RHBDL2: variants seen among roughly 807,000 people sequenced by gnomAD.
RHBDL2 encodes rhomboid-related protein 2.
In RHBDL2, 26 loss-of-function variants were observed where a neutral mutation model predicts 31.7. The ratio of observed to expected loss-of-function variants is 0.82; its 90% CI spans 0.60 to 1.14. The LOEUF (loss-of-function observed/expected upper bound fraction) is 1.14, where lower values mean the gene tolerates loss of function less well. Ranked by LOEUF, RHBDL2 falls within the 50% of genes most tolerant of loss-of-function variation. RHBDL2 has a pLI of 0.00. For missense variants in RHBDL2, 336 were observed against 364.4 expected (o/e 0.92, Z 0.63); for synonymous variants, 123 against 127.2 (o/e 0.97, Z 0.22).
intron 3 of RHBDL2, 48 bp from the exon 4 acceptor site, chr1:38,911,482 G>A: frequency 7.9e-7 from 1 of 1,266,654 alleles, no homozygotes; most frequent in Non-Finnish European, 1.2e-6. Context: ...AAACCAAGCA[G>A]TTATTTCCCT....
intron 1 of RHBDL2, among the ~76,000 whole-genome samples, chr1:38,933,266 C>T (rs1350991595): frequency 6.6e-6 from 1 of 152,096 alleles, no homozygotes; most frequent in Non-Finnish European, 1.5e-5. Flanking sequence ...CTAGCCCTCT[C>T]CCTTCCCTAC....
At chr1:38,922,621 C>G in intron 1 of RHBDL2, among the ~76,000 whole-genome samples, 1 of 136,954 alleles carries the variant, frequency 7.3e-6, no homozygotes, top group Non-Finnish European at 1.5e-5. Flanking sequence ...CCTCTCCACC[C>G]TGTTTCCTGA....
chr1:38,932,241 A>G (rs550498613), intron 1 of RHBDL2, among the ~76,000 whole-genome samples: 1 of 152,184 alleles, frequency 6.6e-6, no homozygotes, highest in East Asian at 1.9e-4. Flanking sequence ...TTAAAAAAAA[A>G]AAAAGAAAAA....
chr1:38,928,087 G>C (rs1004900023), intron 1 of RHBDL2, among the ~76,000 whole-genome samples: 1 of 151,016 alleles, frequency 6.6e-6, no homozygotes, highest in Non-Finnish European at 1.5e-5. Flanking sequence ...GCAAGATCCT[G>C]TCTCTGAAAT....
intron 1 of RHBDL2, among the ~76,000 whole-genome samples, chr1:38,927,298 GC>G (rs1643388963): frequency 6.6e-6 from 1 of 151,960 alleles, no homozygotes; most frequent in Non-Finnish European, 1.5e-5. Context: ...GTGGTGGCGG[GC>G]GCCTGTAGTC....
At chr1:38,927,191 G>C (rs1341540729) in intron 1 of RHBDL2, among the ~76,000 whole-genome samples, 1 of 152,088 alleles carries the variant, frequency 6.6e-6, no homozygotes, top group African/African-American at 2.4e-5. Flanking sequence ...ACTTTGGAAG[G>C]CCAAGGCGGG....
At position 38,896,100 on chromosome 1, in the gene RHBDL2, T is replaced by C. The variant is rs774010321; in HGVS notation, c.509-31A>G. On this transcript the variant is annotated intron_variant, in intron 4 of 7. Transcript: ENST00000372990. ...GAAATAAAACACAAAGGATCAGACATGACTATACGGATCAGGAAAGATAAA... is the reference window on the plus strand; with the variant it reads ...GAAATAAAACACAAAGGATCAGACACGACTATACGGATCAGGAAAGATAAA... 2.1e-5 allele frequency: 31 copies of C among 1,459,886 alleles called. No individual in the cohort carries two copies. In the African/African-American group the frequency reaches 4.2e-4, roughly 20 times the overall value. The allele number at this position is 1,459,886 out of a possible 1,614,324, so 90.4% of individuals were successfully genotyped here.
intron 2 of RHBDL2, among the ~76,000 whole-genome samples, chr1:38,915,961 C>T (rs964088530): frequency 6.6e-6 from 1 of 152,214 alleles, no homozygotes; most frequent in African/African-American, 2.4e-5. Context: ...CCCTTTTGCC[C>T]TGCTCTTGGA....
chr1:38,930,296 C>T (rs577196585), intron 1 of RHBDL2, among the ~76,000 whole-genome samples: 5 of 152,236 alleles, frequency 3.3e-5, no homozygotes, highest in Admixed American at 6.5e-5. Flanking sequence ...TGGATCCTCC[C>T]GTCTGCTCTG....
At chr1:38,920,305 T>C (rs916639265) in intron 1 of RHBDL2, among the ~76,000 whole-genome samples, 5 of 150,384 alleles carry the variant, frequency 3.3e-5, no homozygotes, top group African/African-American at 1.2e-4. Context: ...GTAGCTGGGA[T>C]TATGGGCACC....
intron 1 of RHBDL2, among the ~76,000 whole-genome samples, chr1:38,924,391 G>A (rs56155315): frequency 0.055 from 8,437 of 152,140 alleles, 355 homozygotes; most frequent in East Asian, 0.19. Flanking sequence ...TCAGGAGATC[G>A]AGATCATCCT....
chr1:38,908,811 T>C (rs1643102998), intron 4 of RHBDL2, among the ~76,000 whole-genome samples: 1 of 152,224 alleles, frequency 6.6e-6, no homozygotes, highest in Non-Finnish European at 1.5e-5. Flanking sequence ...CAATTATACT[T>C]GTGCCTTATC....
intron 4 of RHBDL2, among the ~76,000 whole-genome samples, chr1:38,906,772 G>C (rs1057053355): frequency 6.6e-6 from 1 of 151,892 alleles, no homozygotes; most frequent in Non-Finnish European, 1.5e-5. Context: ...CCATTTAGGA[G>C]ATATAAATAA....
intron 2 of RHBDL2, among the ~76,000 whole-genome samples, chr1:38,917,431 C>G (rs1271514537): frequency 1.3e-5 from 2 of 152,182 alleles, no homozygotes; most frequent in Non-Finnish European, 2.9e-5. Context: ...ATCTCAGCAT[C>G]TGCTCCATGA....
intron 5 of RHBDL2, among the ~76,000 whole-genome samples, chr1:38,894,977 T>C (rs1482666484): frequency 6.6e-6 from 1 of 152,198 alleles, no homozygotes; most frequent in African/African-American, 2.4e-5. Context: ...AGTGTTGGGA[T>C]TACAGGCGTG....
chr1:38,940,194 T>G (rs1168720946), intron 1 of RHBDL2, among the ~76,000 whole-genome samples: 1 of 152,130 alleles, frequency 6.6e-6, no homozygotes, highest in Non-Finnish European at 1.5e-5. Flanking sequence ...GAGAATGCAT[T>G]TAAAAGCCCT....
chr1:38,932,537 G>A (rs1439909124), intron 1 of RHBDL2, among the ~76,000 whole-genome samples: 2 of 152,162 alleles, frequency 1.3e-5, no homozygotes, highest in Non-Finnish European at 2.9e-5. Flanking sequence ...TCAGCTCACT[G>A]TAAGCTCCAC....
intron 1 of RHBDL2, among the ~76,000 whole-genome samples, chr1:38,933,123 T>C (rs1162769314): frequency 6.6e-6 from 1 of 152,178 alleles, no homozygotes; most frequent in Non-Finnish European, 1.5e-5. Flanking sequence ...AGCTCCTACC[T>C]TCTTTGTGGA....
At chr1:38,912,790 CACA>C (rs1643167075) in intron 3 of RHBDL2, among the ~76,000 whole-genome samples, 1 of 151,090 alleles carries the variant, frequency 6.6e-6, no homozygotes, top group East Asian at 1.9e-4. Context: ...CTCATTTAAT[CACA>C]ACAACTTTAT....
Sources: allele counts gnomAD v4.1 joint callset (sites outside exome capture counted in the v4.1 genomes callset), GRCh38; gene constraint gnomAD v4.1.1; transcripts MANE v1.5; gene names NCBI Gene and HGNC (gene_info 2026-07-23, HGNC 2026-07-21).